Variants in ERBB4 observed in about 807,000 individuals in gnomAD.
The protein encoded by ERBB4 is erb-b2 receptor tyrosine kinase 4.
In ERBB4, 42 loss-of-function variants were observed where a neutral mutation model predicts 158.0. That is an observed-to-expected ratio of 0.27 (90% confidence interval 0.21 to 0.34). The LOEUF is 0.34. Among genes scored for constraint, ERBB4 ranks in the 10% least tolerant of loss-of-function variants. ERBB4 has a pLI of 1.00. For synonymous variants in ERBB4, 583 were observed against 558.7 expected, an observed-to-expected ratio of 1.04 and a Z score of -0.61; for missense variants, 1,333 against 1,624.1, an observed-to-expected ratio of 0.82 and a Z score of 3.08.
chr2:211,878,823 A>G (rs1476307892), intron 3 of ERBB4, among the ~76,000 whole-genome samples: 1 of 152,020 alleles, frequency 6.6e-6, no homozygotes, highest in Non-Finnish European at 1.5e-5. Flanking sequence ...TTTAAGTAGA[A>G]AAAAACAAAA....
chr2:211,946,675 G>T (rs1315493306), intron 3 of ERBB4, among the ~76,000 whole-genome samples: 1 of 121,486 alleles, frequency 8.2e-6, no homozygotes, highest in Non-Finnish European at 1.6e-5. Context: ...AGCTCATTTT[G>T]ATTACAGGTA....
chr2:211,758,118 A>C (rs754732516), intron 4 of ERBB4, among the ~76,000 whole-genome samples: 23 of 152,356 alleles, frequency 1.5e-4, no homozygotes, highest in Non-Finnish European at 3.1e-4. Context: ...GATTGTAAGA[A>C]GGACTAACAG....
chr2:211,557,268 G>A (rs1206325410), intron 20 of ERBB4, among the ~76,000 whole-genome samples: 1 of 152,048 alleles, frequency 6.6e-6, no homozygotes, highest in Non-Finnish European at 1.5e-5. Flanking sequence ...GACAAGTGGG[G>A]TCTAATTAAA....
intron 1 of ERBB4, among the ~76,000 whole-genome samples, chr2:212,257,898 G>A (rs1485696175): frequency 6.6e-6 from 1 of 152,092 alleles, no homozygotes; most frequent in Non-Finnish European, 1.5e-5. Context: ...GTGATTGTCA[G>A]TCAATAAAAA....
intron 1 of ERBB4, among the ~76,000 whole-genome samples, chr2:212,490,985 A>C (rs537435413): frequency 6.6e-6 from 1 of 151,578 alleles, no homozygotes; most frequent in Admixed American, 6.6e-5. Context: ...GTCTAAACTG[A>C]TTTTTTTCAG....
chr2:211,613,193 T>C (rs1029037552), intron 19 of ERBB4, among the ~76,000 whole-genome samples: 1 of 152,026 alleles, frequency 6.6e-6, no homozygotes, highest in African/African-American at 2.4e-5. Context: ...GAACTTTGCA[T>C]TGAGATATTT....
chr2:211,932,270 T>A (rs984502936), intron 3 of ERBB4, among the ~76,000 whole-genome samples: 1 of 152,048 alleles, frequency 6.6e-6, no homozygotes, highest in Non-Finnish European at 1.5e-5. Context: ...TTTATCACTT[T>A]GCCCTTCCAA....
intron 1 of ERBB4, among the ~76,000 whole-genome samples, chr2:212,228,495 G>A (rs927302326): frequency 6.6e-6 from 1 of 152,096 alleles, no homozygotes; most frequent in Non-Finnish European, 1.5e-5. Flanking sequence ...GTCTTCAATG[G>A]ATATTTTAAT....
At chr2:212,532,154 A>G (rs1384028367) in intron 1 of ERBB4, among the ~76,000 whole-genome samples, 5 of 152,196 alleles carry the variant, frequency 3.3e-5, no homozygotes, top group African/African-American at 1.2e-4. Context: ...ACAGAAAATG[A>G]TATTGGTGTC....
In ERBB4 at chr2:211,702,015, T is replaced by C. The variant is rs368860175; in HGVS notation, c.1441A>G (p.Ile481Val). 25 of 1,613,938 alleles carry C rather than the reference T, an allele frequency of 1.5e-5. No individual in the cohort carries two copies. The highest frequency in any genetic ancestry group is 2.2e-5 in the East Asian group (1 of 44,868). ...TINWTTLFST[I>V]NQRIVIRDNR... is the part of the protein sequence containing the mutation. ...TCCCGGATTACTATTCTCTGGTTGA[T>C]TGTGCTGAAGAGTGTTGTCCAGTTA... is the stretch of plus-strand genomic sequence containing the variant. The change falls in exon 12 of 28, where the codon ATC becomes GTC. Residue 481 changes from isoleucine to valine, a missense_variant. By Grantham distance (29) the Ile-to-Val change is conservative. Around this residue, in one of 5 missense-constraint regions of ERBB4, gnomAD observed 245 missense variants for 247.5 expected, o/e 0.99. Coordinates refer to ENST00000342788, the MANE Select transcript of ERBB4 (RefSeq NM_005235.3).
At chr2:211,829,652 T>C (rs957650721) in intron 3 of ERBB4, among the ~76,000 whole-genome samples, 5 of 152,158 alleles carry the variant, frequency 3.3e-5, no homozygotes, top group African/African-American at 1.2e-4. Flanking sequence ...ATGTAACATA[T>C]ATTGCATTAA....
chr2:211,513,357 C>CAAAAAAAAAAAAA (rs61042785), intron 20 of ERBB4, among the ~76,000 whole-genome samples: 4 of 39,194 alleles, frequency 1.0e-4, no homozygotes, highest in Non-Finnish European at 1.2e-4. Flanking sequence ...GACTCCGTCT[C>CAAAAAAAAAAAAA]AAAAAAAAAA....
chr2:212,311,514 T>C (rs1275239481), intron 1 of ERBB4, among the ~76,000 whole-genome samples: 3 of 150,912 alleles, frequency 2.0e-5, no homozygotes, highest in African/African-American at 7.3e-5. Context: ...TATGTCACTA[T>C]GTTTAGCACT....
At chr2:212,087,918 CACTT>C (rs71865560) in intron 2 of ERBB4, among the ~76,000 whole-genome samples, 78,057 of 151,574 alleles carry the variant, frequency 0.51, 23,340 homozygotes, top group East Asian at 0.91. Flanking sequence ...ATAATAATAA[CACTT>C]ACTTCATAGA....
At chr2:212,475,034 C>A (rs1022125930) in intron 1 of ERBB4, among the ~76,000 whole-genome samples, 2 of 151,958 alleles carry the variant, frequency 1.3e-5, no homozygotes, top group African/African-American at 2.4e-5. Flanking sequence ...TTTGAGCCAC[C>A]ACAATGGGAC....
chr2:212,374,095 T>C (rs948848056), intron 1 of ERBB4, among the ~76,000 whole-genome samples: 2 of 146,206 alleles, frequency 1.4e-5, no homozygotes, highest in Non-Finnish European at 3.0e-5. Context: ...TATATCCATA[T>C]ATATATATAC....
At chr2:211,706,378 A>G (rs551111838) in intron 9 of ERBB4, among the ~76,000 whole-genome samples, 1 of 152,260 alleles carries the variant, frequency 6.6e-6, no homozygotes, top group East Asian at 1.9e-4. Context: ...AGGGCTATCA[A>G]TCAACGTGTT....
chr2:211,685,767 G>C (rs949739909), intron 12 of ERBB4, among the ~76,000 whole-genome samples: 3 of 152,044 alleles, frequency 2.0e-5, no homozygotes, highest in Non-Finnish European at 2.9e-5. Flanking sequence ...GTAGGCTTTT[G>C]CATTTATTTA....
At chr2:211,461,767 A>C (rs2064537794) in intron 20 of ERBB4, among the ~76,000 whole-genome samples, 1 of 152,142 alleles carries the variant, frequency 6.6e-6, no homozygotes, top group Non-Finnish European at 1.5e-5. Flanking sequence ...AGTTTATTAA[A>C]AACAAAAAGA....
Sources: allele counts gnomAD v4.1 joint callset (sites outside exome capture counted in the v4.1 genomes callset), GRCh38; gene constraint gnomAD v4.1.1; regional missense constraint gnomAD v4.1.1; transcripts MANE v1.5; gene names NCBI Gene and HGNC (gene_info 2026-07-23, HGNC 2026-07-21).